PTPRS: variants seen among roughly 807,000 people sequenced by gnomAD.
PTPRS encodes receptor-type tyrosine-protein phosphatase S.
A neutral mutation model predicts 215.3 loss-of-function variants in PTPRS; 63 were observed. That is an observed-to-expected ratio of 0.29 (90% confidence interval 0.24 to 0.36). PTPRS has a LOEUF of 0.36. PTPRS is among the 10% of genes least tolerant of loss of function. The probability of loss-of-function intolerance (pLI) is 1.00; values close to 1 mark genes in which losing one functional copy is unlikely to be tolerated. For missense variants in PTPRS, 2,258 were observed against 2,825.8 expected (o/e 0.80, Z 4.56); for synonymous variants, 1,404 against 1,191.4 (o/e 1.18, Z -3.68).
intron 1 of PTPRS, among the ~76,000 whole-genome samples, chr19:5,321,419 G>C (rs1197446451): frequency 6.6e-6 from 1 of 152,226 alleles, no homozygotes; most frequent in African/African-American, 2.4e-5. Flanking sequence ...TTAGGGATGA[G>C]GAAAACTGAG....
chr19:5,331,653 C>T (rs2147282040), intron 1 of PTPRS, among the ~76,000 whole-genome samples: 1 of 152,266 alleles, frequency 6.6e-6, no homozygotes. Flanking sequence ...CACAGCAGTA[C>T]ACTCAACGAG....
At chr19:5,273,763 G>A (rs375149364) in intron 3 of PTPRS, among the ~76,000 whole-genome samples, 180 bp from the exon 4 acceptor site, 18 of 152,158 alleles carry the variant, frequency 1.2e-4, no homozygotes, top group African/African-American at 2.2e-4. Flanking sequence ...TAAATGCGCC[G>A]CAGACAGGGA....
At position 5,231,623 on chromosome 19, in the gene PTPRS, AGG is replaced by A; in HGVS notation, c.1850-10_1850-9del. The A allele has an allele frequency of 6.7e-6, 1 of 148,508 alleles. No individual in the cohort carries two copies. The highest frequency in any genetic ancestry group is 9.9e-6 in the Non-Finnish European group (1 of 101,016). The allele number at this position is 148,508 out of a possible 1,614,324, so 9.2% of individuals were successfully genotyped here. On this transcript the variant is annotated splice_polypyrimidine_tract_variant and intron_variant, in intron 13 of 37. Transcript: ENST00000262963. ...GAGGGGGGGCTGACGGTTCTATTGG[AGG>A]GGGGGAGAACGTGGGGGGGTGGGGA...
In PTPRS at chr19:5,313,488, C is replaced by T. The variant is rs374725086; in HGVS notation, c.-95+27176G>A. Among the ~76,000 whole-genome samples, 17 of 152,318 alleles carry T rather than the reference C, an allele frequency of 1.1e-4. No homozygotes were observed. The South Asian group carries it at 2.1e-3, about 19-fold the overall frequency. On this transcript the variant is annotated intron_variant, in intron 1 of 37. Coordinates refer to ENST00000262963, the MANE Select transcript of PTPRS (RefSeq NM_002850.4). ...GCGGCTGGCTCGTCGGAAAACAAAT[C>T]GCTGCCAGTCTCATTTCCTCCTGTG... is the stretch of plus-strand genomic sequence containing the variant.
rs143139903 is a variant in PTPRS at position 5,286,888 on chromosome 19, C to T, written c.-94-654G>A. ...AGCCCCTGACTCAGACCAAGCCCCACACCAGGACTGAGGGGTGCTGAGCCC... is the reference window on the plus strand; with the variant it reads ...AGCCCCTGACTCAGACCAAGCCCCATACCAGGACTGAGGGGTGCTGAGCCC... On this transcript the variant is annotated intron_variant, in intron 1 of 37. Transcript: ENST00000262963. 9.6e-4 allele frequency among the ~76,000 whole-genome samples: 146 copies of T among 152,198 alleles called. 1 individual carries two copies. The Middle Eastern group carries it at 0.024, about 25-fold the overall frequency.
intron 26 of PTPRS, 106 bp downstream of exon 26, chr19:5,216,614 G>C: frequency 1.0e-6 from 1 of 995,762 alleles, no homozygotes; most frequent in Admixed American, 2.2e-5. Context: ...AAAGGCCGGT[G>C]ATGGGTGGGC....
chr19:5,220,827 G>A (rs2041916331), intron 20 of PTPRS, among the ~76,000 whole-genome samples, 173 bp downstream of exon 20: 2 of 152,132 alleles, frequency 1.3e-5, no homozygotes, highest in Non-Finnish European at 2.9e-5. Context: ...CACATTTAGT[G>A]ACAATGACCC....
intron 25 of PTPRS, 71 bp from the exon 26 acceptor site, chr19:5,216,838 C>T (rs1198218796): frequency 9.9e-7 from 1 of 1,013,560 alleles, no homozygotes. Context: ...CTGCCTCCCC[C>T]ACCCCTCACT....
intron 4 of PTPRS, among the ~76,000 whole-genome samples, chr19:5,267,669 A>G (rs1010541013): frequency 4.7e-5 from 7 of 149,552 alleles, no homozygotes; most frequent in Admixed American, 1.3e-4. Flanking sequence ...AAAAAAAAAA[A>G]AGAGATTAGG....
At chr19:5,243,820 C>A (rs1326474745) in intron 11 of PTPRS, 81 bp downstream of exon 11, 2 of 1,258,866 alleles carry the variant, frequency 1.6e-6, no homozygotes, top group Non-Finnish European at 2.1e-6. Flanking sequence ...AACCCACAAA[C>A]CGCTCTGCGG....
chr19:5,219,511 T>C (rs2041787847), intron 22 of PTPRS, 44 bp from the exon 23 acceptor site: 1 of 1,517,030 alleles, frequency 6.6e-7, no homozygotes, highest in African/African-American at 1.4e-5. Flanking sequence ...CCACCCTCCT[T>C]GTAGTGGCCA....
At chr19:5,218,220 A>T (rs2041660625) in intron 25 of PTPRS, among the ~76,000 whole-genome samples, 200 bp downstream of exon 25, 1 of 150,806 alleles carries the variant, frequency 6.6e-6, no homozygotes, top group Admixed American at 6.6e-5. Flanking sequence ...AAAAAGCCTC[A>T]CTTGGTTGTA....
intron 2 of PTPRS, among the ~76,000 whole-genome samples, chr19:5,279,722 A>G (rs530981444): frequency 1.3e-5 from 2 of 151,916 alleles, no homozygotes; most frequent in Admixed American, 1.3e-4. Context: ...TCACTGTGTC[A>G]CCCAGGCGGG....
intron 16 of PTPRS, 48 bp from the exon 17 acceptor site, chr19:5,225,892 C>A: frequency 7.1e-7 from 1 of 1,418,076 alleles, no homozygotes. Flanking sequence ...CTGGGAGCAG[C>A]CCCACCCACC....
Position 5,231,623 on chromosome 19 carries a change from A to AG in PTPRS, c.1850-9dup, listed in dbSNP as rs1359276218. On this transcript the variant is annotated splice_polypyrimidine_tract_variant and intron_variant, in intron 13 of 37. Coordinates refer to ENST00000262963, the MANE Select transcript of PTPRS (RefSeq NM_002850.4). ...GAGGGGGGGCTGACGGTTCTATTGG[A>AG]GGGGGGGAGAACGTGGGGGGGTGGG... The AG allele has an allele frequency of 6.7e-6, 1 of 148,512 alleles. No homozygotes were observed. The allele number at this position is 148,512 out of a possible 1,614,324, so 9.2% of individuals were successfully genotyped here.
intron 30 of PTPRS, among the ~76,000 whole-genome samples, chr19:5,212,916 C>T (rs927595595): frequency 6.6e-6 from 1 of 150,704 alleles, no homozygotes; most frequent in Non-Finnish European, 1.5e-5. Context: ...TCTAGCTGGC[C>T]CTGGACGGTT....
chr19:5,213,785 G>A (rs983106010), intron 30 of PTPRS, among the ~76,000 whole-genome samples: 3 of 152,182 alleles, frequency 2.0e-5, no homozygotes, highest in Non-Finnish European at 2.9e-5. Flanking sequence ...ATACATCACG[G>A]TGCCAGTAGC....
chr19:5,222,780 C>A lies in PTPRS; in HGVS notation c.3012G>T (p.Thr1004=). 6.3e-7 allele frequency: 1 copy of A among 1,598,810 alleles called. No homozygotes were observed. The highest frequency in any genetic ancestry group is 8.5e-7 in the Non-Finnish European group (1 of 1,178,636). Residue 1004 remains threonine, a synonymous_variant, in exon 18 of 38, where the codon ACG becomes ACT. Coordinates refer to ENST00000262963, the MANE Select transcript of PTPRS (RefSeq NM_002850.4). ...ALTLQGLKPD[T]AYDLQVRAHT... ...GGGCTCGCACTTGGAGGTCATAGGC[C>A]GTGTCGGGCTTCAGGCCCTGCAGCG...
chr19:5,238,810 G>A (rs1213824070), intron 13 of PTPRS, 109 bp downstream of exon 13: 11 of 1,386,364 alleles, frequency 7.9e-6, no homozygotes, highest in African/African-American at 6.1e-5. Context: ...GCCGGGAGGC[G>A]CCCCCCACCC....
Sources: allele counts gnomAD v4.1 joint callset (sites outside exome capture counted in the v4.1 genomes callset), GRCh38; gene constraint gnomAD v4.1.1; transcripts MANE v1.5; gene names NCBI Gene and HGNC (gene_info 2026-07-23, HGNC 2026-07-21).